SPATA7: variants seen among roughly 807,000 people sequenced by gnomAD.
SPATA7 encodes spermatogenesis associated 7.
A neutral mutation model predicts 51.8 loss-of-function variants in SPATA7; 43 were observed. The observed-to-expected ratio is 0.83, with a 90% CI of 0.65 to 1.07. SPATA7 has a LOEUF of 1.07. Ranked by LOEUF, SPATA7 falls within the 50% of genes least tolerant of loss-of-function variation. The probability of loss-of-function intolerance (pLI) is 0.00; values close to 1 mark genes in which losing one functional copy is unlikely to be tolerated. For missense variants in SPATA7, 683 were observed against 701.3 expected (o/e 0.97, Z 0.30); for synonymous variants, 230 against 252.8 (o/e 0.91, Z 0.86).
At position 88,391,381 on chromosome 14, in the gene SPATA7, T is replaced by C; in HGVS notation, c.20T>C (p.Val7Ala). The C allele has an allele frequency of 6.2e-7, 1 of 1,611,222 alleles. No individual in the cohort carries two copies. Among genetic ancestry groups the C allele is most frequent in the Non-Finnish European group, 8.5e-7 (1 of 1,178,972 alleles). The change falls in exon 2 of 12, where the codon GTC becomes GCC. Residue 7 changes from valine (V) to alanine (A), a missense_variant and splice_region_variant. Val to Ala is a moderately conservative substitution (Grantham distance 64). Coordinates refer to ENST00000393545, the MANE Select transcript of SPATA7 (RefSeq NM_018418.5). MDGSRR[V>A]RATSVLPRYG... ...TATGATTTTTTTTTCTTGTTAAAAG[T>C]CAGAGCAACCTCTGTCCTTCCCAGA...
chr14:88,417,498 G>A (rs1242639940), intron 5 of SPATA7, among the ~76,000 whole-genome samples: 2 of 151,864 alleles, frequency 1.3e-5, no homozygotes, highest in Non-Finnish European at 2.9e-5. Flanking sequence ...TAGAGATGGG[G>A]TCTCGCCATG....
downstream of SPATA7, among the ~76,000 whole-genome samples, chr14:88,438,874 AT>A (rs1227325729): frequency 6.6e-6 from 1 of 152,198 alleles, no homozygotes; most frequent in Non-Finnish European, 1.5e-5. Flanking sequence ...TGCTAACAAG[AT>A]GGAGTCTTAT....
chr14:88,459,857 C>T (rs1481725036), downstream of SPATA7, among the ~76,000 whole-genome samples: 3 of 151,734 alleles, frequency 2.0e-5, no homozygotes, highest in Admixed American at 1.3e-4. Context: ...TGGTACCAGT[C>T]GTTCCTTTCC....
chr14:88,431,518 G>A (rs571543772), intron 9 of SPATA7, among the ~76,000 whole-genome samples: 2 of 152,138 alleles, frequency 1.3e-5, no homozygotes, highest in South Asian at 2.1e-4. Flanking sequence ...GTTAACCATG[G>A]TAGTCATCCT....
chr14:88,450,532 CTG>C (rs1406267394), intron 3 of SPATA7, among the ~76,000 whole-genome samples: 1 of 152,152 alleles, frequency 6.6e-6, no homozygotes, highest in Admixed American at 6.5e-5. Flanking sequence ...CTGAAGAAGA[CTG>C]TATCTTTCCT....
chr14:88,443,575 G>C (rs1194994663), intron 3 of SPATA7, among the ~76,000 whole-genome samples: 1 of 152,108 alleles, frequency 6.6e-6, no homozygotes, highest in African/African-American at 2.4e-5. Flanking sequence ...CTGGTGCGCT[G>C]CACCCACTAA....
At chr14:88,444,840 C>G (rs924330961) in intron 3 of SPATA7, among the ~76,000 whole-genome samples, 1 of 152,174 alleles carries the variant, frequency 6.6e-6, no homozygotes, top group African/African-American at 2.4e-5. Context: ...TTCCATTGAT[C>G]TATATCTCTG....
At chr14:88,436,473 G>A (rs1016999200) in intron 10 of SPATA7, among the ~76,000 whole-genome samples, 1 of 152,006 alleles carries the variant, frequency 6.6e-6, no homozygotes. Context: ...TGTGCTTGTG[G>A]GATATTACTC....
downstream of SPATA7, among the ~76,000 whole-genome samples, chr14:88,440,571 A>ATCTT (rs1369147673): frequency 6.6e-6 from 1 of 152,080 alleles, no homozygotes; most frequent in African/African-American, 2.4e-5. Context: ...ATCAAGCAAC[A>ATCTT]TCTTTATATC....
chr14:88,402,434 A>C (rs1035531819), intron 4 of SPATA7, among the ~76,000 whole-genome samples: 5 of 1,812 alleles, frequency 2.8e-3, no homozygotes, highest in African/African-American at 3.2e-3. Context: ...TGGAACTGGC[A>C]AAAAAAAACA....
Position 88,469,832 on chromosome 14 carries a change from C to G in SPATA7, c.255-15C>G. The G allele has an allele frequency of 6.2e-7, 1 of 1,602,404 alleles. No individual in the cohort carries two copies. The highest frequency in any genetic ancestry group is 8.5e-7 in the Non-Finnish European group (1 of 1,169,602). ...GAAACAGAACCACAACCCTACCCTG[C>G]CTTTTTCTCCACAGGTCAGGATTCC... On this transcript the variant is annotated splice_polypyrimidine_tract_variant and intron_variant, in intron 4 of 4. Transcript: ENST00000556406. The surrounding 1 kb of genome is among the most constrained non-coding windows in gnomAD (Gnocchi z 4.3).
chr14:88,454,611 A>T (rs1260856129), intron 3 of SPATA7, among the ~76,000 whole-genome samples: 1 of 151,862 alleles, frequency 6.6e-6, no homozygotes, highest in Admixed American at 6.6e-5. Context: ...AAGACCGACC[A>T]GCCTGGTCAA....
At chr14:88,440,737 A>ATG (rs199865792), downstream of SPATA7, among the ~76,000 whole-genome samples, 9 of 152,114 alleles carry the variant, frequency 5.9e-5, no homozygotes, top group African/African-American at 2.2e-4. Flanking sequence ...CATATCTTGG[A>ATG]GAGGGGTAAT....
intron 5 of SPATA7, among the ~76,000 whole-genome samples, chr14:88,422,557 T>A (rs1044051124): frequency 6.7e-6 from 1 of 148,530 alleles, no homozygotes; most frequent in East Asian, 1.9e-4. Context: ...TTTTAATATA[T>A]CTTTTTAATG....
At chr14:88,401,072 G>A (rs1003629482) in intron 4 of SPATA7, among the ~76,000 whole-genome samples, 3 of 152,118 alleles carry the variant, frequency 2.0e-5, no homozygotes, top group Middle Eastern at 3.2e-3. Flanking sequence ...CAATATATCT[G>A]ATTGATATAA....
chr14:88,422,109 T>C (rs143492594), intron 5 of SPATA7, among the ~76,000 whole-genome samples: 4 of 152,270 alleles, frequency 2.6e-5, no homozygotes, highest in Non-Finnish European at 5.9e-5. Context: ...GCAGGTTTTC[T>C]TTGGGGCTGG....
rs879869409 is a variant in SPATA7 at position 88,468,345 on chromosome 14, C to G, written c.255-1502C>G. On this transcript the variant is annotated intron_variant, in intron 4 of 4. Transcript: ENST00000556406. ...GGATGGGAGGACACGAGTGTCCTGG[C>G]AGAAACCTGGTTGGGAGATGGACAG... 3.6e-5 allele frequency: 50 copies of G among 1,388,778 alleles called. No homozygotes were observed. In the Admixed American group the frequency reaches 1.2e-3, roughly 33 times the overall value. The allele number at this position is 1,388,778 out of a possible 1,614,324, so 86.0% of individuals were successfully genotyped here.
At position 88,438,132 on chromosome 14, in the gene SPATA7, G is replaced by T. The variant is rs780895581; in HGVS notation, c.1510G>T (p.Val504Phe). The T allele has an allele frequency of 2.5e-6, 4 of 1,613,674 alleles. No homozygotes were observed. Among genetic ancestry groups the T allele is most frequent in the Admixed American group, 1.7e-5 (1 of 59,972 alleles). Residue 504 changes from valine to phenylalanine, a missense_variant, in exon 12 of 12, where the codon GTT becomes TTT. Physicochemically the swap from Val to Phe is conservative, Grantham distance 50. Coordinates refer to ENST00000393545, the MANE Select transcript of SPATA7 (RefSeq NM_018418.5). ...TTATAAATCAAAGCATTCAGAAGGG[G>T]TTATAATTCAACAGGTGAATGATGA... Reference protein sequence around the residue: ...PIYKSKHSEGVIIQQVNDETN... With the variant: ...PIYKSKHSEGFIIQQVNDETN...
At chr14:88,453,369 G>A (rs1041918954) in intron 3 of SPATA7, among the ~76,000 whole-genome samples, 5 of 152,136 alleles carry the variant, frequency 3.3e-5, no homozygotes, top group African/African-American at 1.2e-4. Flanking sequence ...CATTTTAAAT[G>A]GTGTAAAATA....
Sources: gnomAD v4.1 joint callset for allele counts (sites outside exome capture counted in the v4.1 genomes callset) on GRCh38, gnomAD v4.1.1 for gene constraint, Gnocchi (gnomAD v3.1) non-coding constraint, MANE v1.5 for transcripts, NCBI Gene and HGNC (gene_info 2026-07-23, HGNC 2026-07-21) for gene names.